RARB: variants seen among roughly 807,000 people sequenced by gnomAD.
RARB encodes HBV-activated protein.
In RARB, 17 loss-of-function variants were observed where a neutral mutation model predicts 51.9. The ratio of observed to expected loss-of-function variants is 0.33; its 90% CI spans 0.22 to 0.49. The LOEUF is 0.49. RARB is among the 20% of genes least tolerant of loss of function. The pLI is 0.99. For missense variants in RARB, 369 were observed against 550.8 expected, an observed-to-expected ratio of 0.67 and a Z score of 3.30; for synonymous variants, 215 against 195.4, an observed-to-expected ratio of 1.10 and a Z score of -0.84.
chr3:25,011,043 A>C (rs1331198402), intron 2 of RARB, among the ~76,000 whole-genome samples: 1 of 152,088 alleles, frequency 6.6e-6, no homozygotes, highest in Non-Finnish European at 1.5e-5. Flanking sequence ...AATCAAGTTA[A>C]CCTATATCTG....
At chr3:25,530,056 T>A (rs1309423924) in intron 3 of RARB, among the ~76,000 whole-genome samples, 1 of 152,178 alleles carries the variant, frequency 6.6e-6, no homozygotes, top group Non-Finnish European at 1.5e-5. Context: ...ATACTATGAT[T>A]ACTGTCTCAG....
chr3:25,084,104 G>A (rs1432113561), intron 3 of RARB, among the ~76,000 whole-genome samples: 1 of 152,150 alleles, frequency 6.6e-6, no homozygotes, highest in African/African-American at 2.4e-5. Flanking sequence ...CCTAAACTGA[G>A]TCCAATGGGA....
At chr3:25,488,207 C>T (rs1281346950) in intron 2 of RARB, among the ~76,000 whole-genome samples, 1 of 152,176 alleles carries the variant, frequency 6.6e-6, no homozygotes, top group Non-Finnish European at 1.5e-5. Flanking sequence ...GGCTCTTTTT[C>T]CTACACCTGC....
chr3:25,502,428 T>A (rs1235575369), intron 3 of RARB, among the ~76,000 whole-genome samples: 1 of 152,202 alleles, frequency 6.6e-6, no homozygotes, highest in Non-Finnish European at 1.5e-5. Context: ...AATCTTGCCC[T>A]CTGCTGGGAG....
rs146043230 is a variant in RARB, at chr3:24,853,102, C to T, written c.-458-5572C>T. Among the ~76,000 whole-genome samples the T allele has an allele frequency of 2.9e-3, 429 of 150,490 alleles. 3 individuals are homozygous for T. The highest frequency in any genetic ancestry group is 9.6e-3 in the African/African-American group (392 of 40,832). On this transcript the variant is annotated intron_variant, in intron 1 of 11. Coordinates refer to the RARB transcript ENST00000383772. ...GGCCGAGACGGGTGGATCATGAGGT[C>T]GGGGGATTGAGACCATTCTGGTTAA...
intron 1 of RARB, among the ~76,000 whole-genome samples, chr3:25,436,157 C>G (rs868092338): frequency 6.6e-6 from 1 of 152,152 alleles, no homozygotes; most frequent in African/African-American, 2.4e-5. Context: ...TTCGCTCTTG[C>G]TGCCTGTTTT....
chr3:24,980,241 A>G (rs773381860), intron 2 of RARB, among the ~76,000 whole-genome samples: 2 of 151,936 alleles, frequency 1.3e-5, no homozygotes, highest in Non-Finnish European at 2.9e-5. Context: ...TCTGACAATT[A>G]TGTGTCTTCG....
chr3:25,543,858 C>T (rs1355980028), intron 3 of RARB, among the ~76,000 whole-genome samples: 3 of 152,180 alleles, frequency 2.0e-5, no homozygotes, highest in Admixed American at 1.3e-4. Flanking sequence ...CTGTGACAGA[C>T]GCAAGCTTAA....
intron 5 of RARB, among the ~76,000 whole-genome samples, chr3:25,203,209 C>G (rs1701442460): frequency 1.3e-5 from 2 of 152,196 alleles, no homozygotes; most frequent in South Asian, 4.1e-4. Context: ...CTCTTTTGAT[C>G]TTTGTTGGTT....
chr3:25,479,415 T>C (rs140073576), intron 2 of RARB, among the ~76,000 whole-genome samples: 46 of 152,346 alleles, frequency 3.0e-4, no homozygotes, highest in African/African-American at 1.0e-3. Flanking sequence ...GACCATGAAT[T>C]TTATTTTTCT....
chr3:24,893,573 G>A (rs1703427104), intron 2 of RARB, among the ~76,000 whole-genome samples: 1 of 152,140 alleles, frequency 6.6e-6, no homozygotes, highest in African/African-American at 2.4e-5. Flanking sequence ...CTAGGCTGGA[G>A]TGCAGTAGAT....
intron 3 of RARB, among the ~76,000 whole-genome samples, chr3:25,118,917 C>A (rs1238829473): frequency 6.6e-6 from 1 of 152,032 alleles, no homozygotes; most frequent in African/African-American, 2.4e-5. Context: ...ACCAAATGCC[C>A]ACTTTGATCA....
chr3:25,578,048 G>T (rs1331450452), intron 4 of RARB, among the ~76,000 whole-genome samples: 1 of 152,130 alleles, frequency 6.6e-6, no homozygotes, highest in Non-Finnish European at 1.5e-5. Context: ...TCACAGCAAG[G>T]GTCACTCCTC....
chr3:24,857,560 C>T (rs1168195276), intron 1 of RARB, among the ~76,000 whole-genome samples: 1 of 152,160 alleles, frequency 6.6e-6, no homozygotes, highest in Non-Finnish European at 1.5e-5. Context: ...AATTCAAATT[C>T]AACTCAGCAT....
chr3:25,387,482 A>G (rs1229880075), intron 5 of RARB, among the ~76,000 whole-genome samples: 1 of 152,162 alleles, frequency 6.6e-6, no homozygotes, highest in African/African-American at 2.4e-5. Context: ...ACTGGCTTCT[A>G]TGTTGTGTAC....
At chr3:25,228,044 A>G (rs890932227) in intron 5 of RARB, among the ~76,000 whole-genome samples, 2 of 151,956 alleles carry the variant, frequency 1.3e-5, no homozygotes, top group African/African-American at 4.8e-5. Flanking sequence ...TGATTTGACA[A>G]TTTTTTGTCT....
intron 2 of RARB, among the ~76,000 whole-genome samples, chr3:25,055,751 A>AT (rs761101690): frequency 3.5e-4 from 53 of 152,200 alleles, no homozygotes; most frequent in Non-Finnish European, 6.6e-4. Flanking sequence ...AGGCTCTGGA[A>AT]TTAGGGTAGG....
chr3:25,272,856 G>A (rs1016856700), intron 5 of RARB, among the ~76,000 whole-genome samples: 9 of 152,226 alleles, frequency 5.9e-5, no homozygotes, highest in South Asian at 2.1e-4. Context: ...GGATACATTC[G>A]TCCCACCTGA....
intron 5 of RARB, among the ~76,000 whole-genome samples, chr3:25,279,469 T>C (rs17016141): frequency 0.1 from 15,184 of 152,200 alleles, 965 homozygotes; most frequent in South Asian, 0.25. Flanking sequence ...CAGATGCTTC[T>C]AGGGAAAGAA....
Sources: gnomAD v4.1 joint callset for allele counts (sites outside exome capture counted in the v4.1 genomes callset) on GRCh38, gnomAD v4.1.1 for gene constraint, MANE v1.5 for transcripts, NCBI Gene and HGNC (gene_info 2026-07-23, HGNC 2026-07-21) for gene names.